The following ECT2 variants were observed in gnomAD, a reference collection of about 807,000 sequenced individuals.
The protein encoded by ECT2 is epithelial cell transforming 2.
In ECT2, 61 loss-of-function variants were observed where a neutral mutation model predicts 116.9. The observed-to-expected ratio is 0.52, with a 90% CI of 0.42 to 0.65. ECT2 has a LOEUF of 0.65. ECT2 is among the 30% of genes least tolerant of loss of function. The pLI is 0.00. For missense variants in ECT2, 937 were observed against 1,078.7 expected (o/e 0.87, Z 1.84); for synonymous variants, 358 against 346.4 (o/e 1.03, Z -0.37).
chr3:172,777,268 A>G (rs1721913116), intron 14 of ECT2, among the ~76,000 whole-genome samples: 2 of 152,176 alleles, frequency 1.3e-5, no homozygotes, highest in South Asian at 2.1e-4. Flanking sequence ...GAAGTTGGGC[A>G]AACTAATCTT....
At chr3:172,798,768 C>A (rs1378840585) in intron 18 of ECT2, among the ~76,000 whole-genome samples, 2 of 152,082 alleles carry the variant, frequency 1.3e-5, no homozygotes, top group African/African-American at 4.8e-5. Context: ...ATTCTTTTAG[C>A]AATATAGTTA....
downstream of ECT2, among the ~76,000 whole-genome samples, chr3:172,825,399 A>G (rs1165313980): frequency 2.6e-5 from 4 of 152,120 alleles, no homozygotes; most frequent in Admixed American, 6.6e-5. Flanking sequence ...AAACTTAGTG[A>G]GGGAGGCATG....
rs200560822 is a variant in ECT2 at position 172,790,072 on chromosome 3, CCT to C, written c.1907+3503_1907+3504del. Among the ~76,000 whole-genome samples, 1,141 of 152,098 alleles carry C rather than the reference CCT, an allele frequency of 7.5e-3. 14 individuals are homozygous for C. Among genetic ancestry groups the C allele is most frequent in the Admixed American group, 0.015 (228 of 15,278 alleles). ...CTGGCTTTTGGTTTTTTCTCCCTCG[CCT>C]CTCTGCTGCTGACCACTGCAGGCTC... On this transcript the variant is annotated intron_variant, in intron 18 of 24. Transcript: ENST00000392692.
chr3:172,799,669 C>T (rs529981983), intron 18 of ECT2, among the ~76,000 whole-genome samples: 79 of 152,324 alleles, frequency 5.2e-4, no homozygotes, highest in African/African-American at 1.8e-3. Flanking sequence ...TAAAATACTA[C>T]TCAATGGCTA....
chr3:172,784,868 A>T, intron 17 of ECT2, 65 bp downstream of exon 17: 1 of 1,017,286 alleles, frequency 9.8e-7, no homozygotes. Flanking sequence ...TCCAAAAAAG[A>T]TGAATTTCTT....
intron 18 of ECT2, among the ~76,000 whole-genome samples, chr3:172,788,158 C>T (rs1267045425): frequency 6.6e-6 from 1 of 152,126 alleles, no homozygotes; most frequent in Non-Finnish European, 1.5e-5. Context: ...GATTCTTGAA[C>T]ATTTAGCCTA....
At chr3:172,825,233 ATTG>A (rs1290619068), downstream of ECT2, among the ~76,000 whole-genome samples, 7 of 152,040 alleles carry the variant, frequency 4.6e-5, no homozygotes, top group Non-Finnish European at 8.8e-5. Context: ...TTTATCGGTA[ATTG>A]TTGTGTGTGT....
At chr3:172,789,863 C>A (rs1207976737) in intron 18 of ECT2, among the ~76,000 whole-genome samples, 1 of 152,162 alleles carries the variant, frequency 6.6e-6, no homozygotes, top group East Asian at 1.9e-4. Flanking sequence ...TAATTGTAGT[C>A]CACTTGCCAT....
intron 22 of ECT2, among the ~76,000 whole-genome samples, chr3:172,811,412 C>A (rs954718903): frequency 9.2e-5 from 14 of 152,156 alleles, no homozygotes; most frequent in Non-Finnish European, 1.9e-4. Context: ...TTCTTAGCCA[C>A]TAGTGAACTA....
intron 18 of ECT2, among the ~76,000 whole-genome samples, chr3:172,796,931 T>C (rs183150241): frequency 1.3e-5 from 2 of 152,190 alleles, no homozygotes; most frequent in African/African-American, 4.8e-5. Flanking sequence ...AGTGCTGGAA[T>C]TGGAGGCATG....
intron 2 of ECT2, 75 bp from the exon 3 acceptor site, chr3:172,755,220 C>T: frequency 8.7e-7 from 1 of 1,151,722 alleles, no homozygotes; most frequent in South Asian, 1.6e-5. Context: ...CTAGATATAG[C>T]CAAAAGAGCG....
At chr3:172,757,501 C>T (rs1717255755) in intron 5 of ECT2, among the ~76,000 whole-genome samples, 1 of 150,814 alleles carries the variant, frequency 6.6e-6, no homozygotes, top group Non-Finnish European at 1.5e-5. Context: ...CTGCAAGCTC[C>T]GCCTCCTGGG....
At chr3:172,824,447 T>C (rs1320139444), downstream of ECT2, among the ~76,000 whole-genome samples, 3 of 152,210 alleles carry the variant, frequency 2.0e-5, no homozygotes, top group Admixed American at 1.3e-4. Context: ...AGAACTCTTA[T>C]GAGAACAGCA....
At chr3:172,773,851 G>T in intron 13 of ECT2, 52 bp from the exon 14 acceptor site, 2 of 1,550,360 alleles carry the variant, frequency 1.3e-6, no homozygotes, top group East Asian at 2.3e-5. Context: ...CTATCTTTTA[G>T]CTCTTTTCTT....
chr3:172,767,693 G>A (rs1051686641), intron 12 of ECT2, among the ~76,000 whole-genome samples: 1 of 151,740 alleles, frequency 6.6e-6, no homozygotes, highest in African/African-American at 2.4e-5. Flanking sequence ...ACATTAAAAA[G>A]ATGTATATAT....
chr3:172,773,868 A>G (rs1208272876), intron 13 of ECT2, 35 bp from the exon 14 acceptor site: 6 of 1,597,162 alleles, frequency 3.8e-6, no homozygotes, highest in East Asian at 2.2e-5. Context: ...TCTTTTTCCC[A>G]CAATCTACTT....
intron 18 of ECT2, among the ~76,000 whole-genome samples, chr3:172,801,389 C>T (rs1726692648): frequency 6.6e-6 from 1 of 152,198 alleles, no homozygotes; most frequent in Non-Finnish European, 1.5e-5. Flanking sequence ...TAGTACTCTA[C>T]CCTGATGTCA....
chr3:172,805,271 G>GT lies in ECT2; in HGVS notation c.2107-452dup, dbSNP rs923050469. Among the ~76,000 whole-genome samples the GT allele has an allele frequency of 6.6e-5, 10 of 151,550 alleles. No individual in the cohort carries two copies. The East Asian group carries it at 7.7e-4, about 12-fold the overall frequency. On this transcript the variant is annotated intron_variant, in intron 20 of 24. Coordinates refer to ENST00000392692, the MANE Select transcript of ECT2 (RefSeq NM_001258315.2). The stretch of plus-strand genomic sequence containing the variant: ...TAAATGTTTTATCTGTATTTTAAGG[G>GT]TTTTTTTTAAACTCTGTACTAGCAT...
In ECT2 at chr3:172,782,195, T is replaced by C. The variant is rs995626967; in HGVS notation, c.1581T>C (p.Asp527=). The C allele has an allele frequency of 8.9e-6, 14 of 1,580,748 alleles. No individual in the cohort carries two copies. The highest frequency in any genetic ancestry group is 1.1e-5 in the Non-Finnish European group (13 of 1,160,360). The change falls in exon 15 of 25, where the codon GAT becomes GAC. Residue 527 remains aspartate (D), a synonymous_variant. Transcript: ENST00000392692. ...DDLEDLIVNW[D]ESKSIGDIFL... ...TTGAAGACCTTATAGTTAATTGGGA[T>C]GAGAGCAAAAGCATTGGTGACATTT...
Sources: allele counts gnomAD v4.1 joint callset (sites outside exome capture counted in the v4.1 genomes callset), GRCh38; gene constraint gnomAD v4.1.1; transcripts MANE v1.5; gene names NCBI Gene and HGNC (gene_info 2026-07-23, HGNC 2026-07-21).